SERGEF: variants seen among roughly 807,000 people sequenced by gnomAD.
SERGEF encodes secretion regulating guanine nucleotide exchange factor, also known as secretion-regulating guanine nucleotide exchange factor.
Under a neutral mutation model 50.0 loss-of-function variants are expected in SERGEF, and 51 were observed. The ratio of observed to expected loss-of-function variants is 1.02; its 90% CI spans 0.81 to 1.29. The LOEUF is 1.29. Among genes scored for constraint, SERGEF ranks in the 50% most tolerant of loss-of-function variants. SERGEF has a pLI of 0.00. For synonymous variants in SERGEF, 205 were observed against 212.4 expected (o/e 0.97, Z 0.30); for missense variants, 521 against 557.0 (o/e 0.94, Z 0.65).
intron 8 of SERGEF, among the ~76,000 whole-genome samples, chr11:17,977,891 T>C (rs1019393897): frequency 6.6e-6 from 1 of 152,212 alleles, no homozygotes; most frequent in African/African-American, 2.4e-5. Context: ...TCCAGAACTG[T>C]AAGACATAGG....
chr11:17,901,883 CAGG>C (rs1186292102), intron 9 of SERGEF, among the ~76,000 whole-genome samples: 1 of 152,210 alleles, frequency 6.6e-6, no homozygotes, highest in African/African-American at 2.4e-5. Context: ...GGCAGCAGAG[CAGG>C]AGAACATGTT....
chr11:17,867,974 G>A (rs776799682), intron 10 of SERGEF, among the ~76,000 whole-genome samples: 10 of 152,240 alleles, frequency 6.6e-5, no homozygotes, highest in South Asian at 4.1e-4. Context: ...CCAGAAAACC[G>A]TCTTTTCCTT....
chr11:17,999,123 T>C (rs894438905), intron 5 of SERGEF, among the ~76,000 whole-genome samples: 8 of 152,294 alleles, frequency 5.3e-5, no homozygotes, highest in Admixed American at 5.2e-4. Context: ...ATACCATTTA[T>C]AGAACATTTT....
At chr11:17,845,501 C>T (rs1156419506) in intron 10 of SERGEF, among the ~76,000 whole-genome samples, 1 of 152,202 alleles carries the variant, frequency 6.6e-6, no homozygotes, top group African/African-American at 2.4e-5. Context: ...TTGGGCTCAG[C>T]TGACTGGCCT....
At chr11:17,890,836 G>C (rs1851519287) in intron 9 of SERGEF, among the ~76,000 whole-genome samples, 1 of 152,002 alleles carries the variant, frequency 6.6e-6, no homozygotes, top group Non-Finnish European at 1.5e-5. Flanking sequence ...TTGTGTCAGA[G>C]AGCAAAAAAA....
At chr11:17,920,306 T>C (rs1171636358) in intron 9 of SERGEF, among the ~76,000 whole-genome samples, 1 of 152,162 alleles carries the variant, frequency 6.6e-6, no homozygotes, top group African/African-American at 2.4e-5. Context: ...CTAAAATCCC[T>C]TACCCTGCTC....
At chr11:17,894,005 C>T (rs144651316) in intron 9 of SERGEF, among the ~76,000 whole-genome samples, 62 of 152,312 alleles carry the variant, frequency 4.1e-4, no homozygotes, top group Middle Eastern at 3.4e-3. Flanking sequence ...ACCTCTCCCC[C>T]ACTCTGTCAA....
intron 10 of SERGEF, among the ~76,000 whole-genome samples, chr11:17,831,327 G>A (rs2133853963): frequency 6.6e-6 from 1 of 152,268 alleles, no homozygotes; most frequent in East Asian, 1.9e-4. Context: ...CTTCAGGCTG[G>A]GTGCCTGGCC....
intron 1 of SERGEF, chr11:18,012,560 T>C (rs774710114): frequency 6.9e-6 from 8 of 1,160,364 alleles, no homozygotes; most frequent in Non-Finnish European, 8.6e-6. Context: ...GCATCAGGAG[T>C]GTGGGGGGCA....
chr11:17,809,178 T>A (rs932866437), intron 10 of SERGEF, among the ~76,000 whole-genome samples: 1 of 152,114 alleles, frequency 6.6e-6, no homozygotes, highest in East Asian at 1.9e-4. Flanking sequence ...AAGAGCATTC[T>A]AAGTAGATAG....
At chr11:17,835,189 G>C (rs1220137597) in intron 10 of SERGEF, among the ~76,000 whole-genome samples, 1 of 152,220 alleles carries the variant, frequency 6.6e-6, no homozygotes, top group Non-Finnish European at 1.5e-5. Context: ...GCCACAAAAA[G>C]ATGCTACCAA....
At chr11:17,900,388 C>T (rs1051763996) in intron 9 of SERGEF, among the ~76,000 whole-genome samples, 1 of 152,316 alleles carries the variant, frequency 6.6e-6, no homozygotes, top group South Asian at 2.1e-4. Context: ...TTAATACCCA[C>T]AAAACATCAA....
At chr11:17,837,659 CT>C (rs1181213006) in intron 10 of SERGEF, among the ~76,000 whole-genome samples, 441 of 133,484 alleles carry the variant, frequency 3.3e-3, no homozygotes, top group Middle Eastern at 7.6e-3. Flanking sequence ...AAACCTCTTT[CT>C]TTTTTTTTTT....
At chr11:17,831,019 G>GA (rs1850299086) in intron 10 of SERGEF, among the ~76,000 whole-genome samples, 1 of 152,032 alleles carries the variant, frequency 6.6e-6, no homozygotes, top group Non-Finnish European at 1.5e-5. Flanking sequence ...TCTTCCCAAA[G>GA]TACTTTTCTA....
intron 9 of SERGEF, among the ~76,000 whole-genome samples, chr11:17,918,067 C>T (rs1468210989): frequency 6.6e-6 from 1 of 152,138 alleles, no homozygotes; most frequent in African/African-American, 2.4e-5. Flanking sequence ...AGTCTCAAAT[C>T]AGTAAAGTAA....
intron 9 of SERGEF, among the ~76,000 whole-genome samples, chr11:17,882,888 A>C (rs1049239506): frequency 2.0e-5 from 3 of 152,210 alleles, no homozygotes; most frequent in Non-Finnish European, 4.4e-5. Context: ...AAAGCACAGA[A>C]GACTGTAACA....
At chr11:17,880,119 C>A (rs1851310448) in intron 9 of SERGEF, among the ~76,000 whole-genome samples, 1 of 152,162 alleles carries the variant, frequency 6.6e-6, no homozygotes, top group South Asian at 2.1e-4. Context: ...TCCCAGATCC[C>A]AGCTTCCACA....
intron 10 of SERGEF, among the ~76,000 whole-genome samples, chr11:17,831,866 A>T (rs1054534614): frequency 3.9e-5 from 6 of 152,146 alleles, no homozygotes; most frequent in Non-Finnish European, 8.8e-5. Context: ...AGCCCTAATT[A>T]AAGACCTTGT....
At chr11:17,985,742 G>A (rs1853581461) in intron 8 of SERGEF, among the ~76,000 whole-genome samples, 1 of 152,138 alleles carries the variant, frequency 6.6e-6, no homozygotes, top group East Asian at 1.9e-4. Flanking sequence ...TGAGAGGGGA[G>A]GGCAGAGAAC....
Sources: allele counts gnomAD v4.1 joint callset (sites outside exome capture counted in the v4.1 genomes callset), GRCh38; gene constraint gnomAD v4.1.1; transcripts MANE v1.5; gene names NCBI Gene and HGNC (gene_info 2026-07-23, HGNC 2026-07-21).